BMERB1: variants seen among roughly 807,000 people sequenced by gnomAD.
The protein encoded by BMERB1 is bMERB domain-containing protein 1.
A neutral mutation model predicts 23.6 loss-of-function variants in BMERB1; 12 were observed. The ratio of observed to expected loss-of-function variants is 0.51; its 90% CI spans 0.33 to 0.82. BMERB1 has a LOEUF of 0.82. Among genes scored for constraint, BMERB1 ranks in the 40% least tolerant of loss-of-function variants. The pLI, the probability that BMERB1 is intolerant of heterozygous loss-of-function variation, is 0.03. For synonymous variants in BMERB1, 122 were observed against 96.6 expected (o/e 1.26, Z -1.54); for missense variants, 247 against 255.4 (o/e 0.97, Z 0.22).
intron 1 of BMERB1, among the ~76,000 whole-genome samples, chr16:15,503,313 G>A (rs923409904): frequency 6.6e-6 from 1 of 151,296 alleles, no homozygotes; most frequent in African/African-American, 2.4e-5. Context: ...ACGGAGTCTC[G>A]CTCTGTTGCC....
rs564003695 is a variant in BMERB1 at position 15,583,198 on chromosome 16, C to G, written c.462C>G (p.Ile154Met). ...AGGAAATGGCTGATTTCCTGAGAATCAAGTTAAAACCTCTAGACAAAGTAA... is the reference window on the plus strand; with the variant it reads ...AGGAAATGGCTGATTTCCTGAGAATGAAGTTAAAACCTCTAGACAAAGTAA... The part of the protein sequence containing the change: ...EDKEMADFLR[I>M]KLKPLDKVTK... Residue 154 changes from isoleucine (I) to methionine (M), a missense_variant, in exon 5 of 6, where the codon ATC (isoleucine) becomes ATG (methionine). Ile to Met is a conservative substitution (Grantham distance 10). Transcript: ENST00000300006. The G allele has an allele frequency of 4.2e-5, 68 of 1,613,702 alleles. No individual in the cohort carries two copies. In the South Asian group the frequency reaches 6.6e-4, roughly 16 times the overall value.
rs552043054 is a variant in BMERB1, at chr16:15,519,690, G to A, written c.230+4262G>A. Among the ~76,000 whole-genome samples, 27 of 152,170 alleles carry A rather than the reference G, an allele frequency of 1.8e-4. 1 individual carries two copies. In the South Asian group the frequency reaches 5.6e-3, roughly 32 times the overall value. ...TGAGCCACTGCACCCAGCCTGCATT[G>A]ACTCTTTTAAGCATGAGTCCGGGGG... On this transcript the variant is annotated intron_variant, in intron 2 of 5. Coordinates refer to ENST00000300006, the MANE Select transcript of BMERB1 (RefSeq NM_033201.3).
intron 3 of BMERB1, among the ~76,000 whole-genome samples, chr16:15,575,120 C>A (rs2030825426): frequency 6.6e-6 from 1 of 152,058 alleles, no homozygotes; most frequent in African/African-American, 2.4e-5. Flanking sequence ...CGGGGGTCAG[C>A]AGAAAAGAAT....
intron 1 of BMERB1, among the ~76,000 whole-genome samples, chr16:15,506,677 C>A (rs1214591191): frequency 6.6e-6 from 1 of 151,940 alleles, no homozygotes; most frequent in Non-Finnish European, 1.5e-5. Flanking sequence ...CTCTTCCTTA[C>A]CCCTTCCTAA....
chr16:15,440,314 A>T (rs1045486654), intron 1 of BMERB1, among the ~76,000 whole-genome samples: 8 of 151,124 alleles, frequency 5.3e-5, no homozygotes, highest in Non-Finnish European at 1.2e-4. Flanking sequence ...TATGAGTAGG[A>T]GATTGGAATG....
chr16:15,491,591 G>C (rs1567467159), intron 1 of BMERB1, among the ~76,000 whole-genome samples: 2 of 152,136 alleles, frequency 1.3e-5, no homozygotes, highest in South Asian at 2.1e-4. Context: ...GCCACTTCCT[G>C]TCTCTCCATC....
At chr16:15,557,873 C>A (rs1440955656) in intron 2 of BMERB1, among the ~76,000 whole-genome samples, 2 of 152,096 alleles carry the variant, frequency 1.3e-5, no homozygotes, top group Non-Finnish European at 2.9e-5. Flanking sequence ...GGTGAAACTC[C>A]ATCTCTCCTA....
chr16:15,504,552 G>A (rs1235226261), intron 1 of BMERB1, among the ~76,000 whole-genome samples: 1 of 151,494 alleles, frequency 6.6e-6, no homozygotes, highest in East Asian at 2.0e-4. Context: ...GGACCCAAGC[G>A]ATCCTCCCAC....
At chr16:15,542,631 A>ATTTTTTTTTTTTT (rs927255507) in intron 2 of BMERB1, among the ~76,000 whole-genome samples, 1 of 96,866 alleles carries the variant, frequency 1.0e-5, no homozygotes, top group Non-Finnish European at 2.0e-5. Context: ...CCTCCTAGGG[A>ATTTTTTTTTTTTT]TTTTTTTTTT....
chr16:15,459,000 G>A (rs976785291), intron 1 of BMERB1, among the ~76,000 whole-genome samples: 4 of 151,868 alleles, frequency 2.6e-5, no homozygotes, highest in Non-Finnish European at 4.4e-5. Flanking sequence ...CCAGCTACTC[G>A]GGAGGGTGAG....
intron 2 of BMERB1, among the ~76,000 whole-genome samples, chr16:15,525,246 C>T (rs748506612): frequency 6.8e-4 from 103 of 152,212 alleles, no homozygotes; most frequent in Non-Finnish European, 1.2e-3. Context: ...GGGTCTTTTC[C>T]GGCCTTTGAA....
chr16:15,466,689 T>A (rs1343118730), intron 1 of BMERB1, among the ~76,000 whole-genome samples: 1 of 149,322 alleles, frequency 6.7e-6, no homozygotes, highest in African/African-American at 2.4e-5. Flanking sequence ...CCATTCATCC[T>A]ATTCAGATTT....
chr16:15,478,857 A>G (rs977364855), intron 1 of BMERB1, among the ~76,000 whole-genome samples: 24 of 152,312 alleles, frequency 1.6e-4, no homozygotes, highest in Middle Eastern at 6.8e-3. Flanking sequence ...CCTGATCCCA[A>G]GTATGTCTTT....
chr16:15,467,533 A>G (rs2051190883), intron 1 of BMERB1, among the ~76,000 whole-genome samples: 1 of 151,932 alleles, frequency 6.6e-6, no homozygotes, highest in African/African-American at 2.4e-5. Context: ...CCACTTACTA[A>G]TTGGTTTATT....
At chr16:15,453,456 A>T (rs75029285) in intron 1 of BMERB1, among the ~76,000 whole-genome samples, 3,286 of 152,032 alleles carry the variant, frequency 0.022, 146 homozygotes, top group African/African-American at 0.076. Flanking sequence ...TGTACCTCTA[A>T]TTCTATTATT....
chr16:15,437,887 G>A lies in BMERB1; in HGVS notation c.106+3128G>A, dbSNP rs183169737. 1.8e-3 allele frequency among the ~76,000 whole-genome samples: 271 copies of A among 152,008 alleles called. 2 individuals carry two copies. The East Asian group carries it at 0.028, about 15-fold the overall frequency. On this transcript the variant is annotated intron_variant, in intron 1 of 5. Transcript: ENST00000300006. ...ACAGGAGAATGGCGTGAACCTGGGA[G>A]GCGGAGCTTGCAGTGAGCCGAGATT...
chr16:15,522,366 G>A (rs754821993), intron 2 of BMERB1, among the ~76,000 whole-genome samples: 7 of 152,130 alleles, frequency 4.6e-5, no homozygotes, highest in Non-Finnish European at 7.4e-5. Context: ...GTGGTAAAGA[G>A]GACAGGCCCT....
At chr16:15,517,595 A>AAAT (rs2051778438) in intron 2 of BMERB1, among the ~76,000 whole-genome samples, 2 of 151,932 alleles carry the variant, frequency 1.3e-5, no homozygotes, top group African/African-American at 2.4e-5. Flanking sequence ...TTAAAAAAAA[A>AAAT]ACTACAAAAA....
chr16:15,538,094 G>A (rs1436686339), intron 2 of BMERB1, among the ~76,000 whole-genome samples: 1 of 152,178 alleles, frequency 6.6e-6, no homozygotes, highest in Non-Finnish European at 1.5e-5. Context: ...TGAATAAACT[G>A]ACATCTTGAG....
Sources: gnomAD v4.1 joint callset for allele counts (sites outside exome capture counted in the v4.1 genomes callset) on GRCh38, gnomAD v4.1.1 for gene constraint, MANE v1.5 for transcripts, NCBI Gene and HGNC (gene_info 2026-07-23, HGNC 2026-07-21) for gene names.